The following POC1B variants were observed in gnomAD, a reference collection of about 807,000 sequenced individuals.
The protein encoded by POC1B is POC1 centriolar protein homolog B.
Under a neutral mutation model 60.6 loss-of-function variants are expected in POC1B, and 44 were observed. The observed-to-expected ratio is 0.73, with a 90% CI of 0.57 to 0.93. POC1B has a LOEUF of 0.93. Ranked by LOEUF, POC1B falls within the 40% of genes least tolerant of loss-of-function variation. The probability of loss-of-function intolerance (pLI) is 0.00; values close to 1 mark genes in which losing one functional copy is unlikely to be tolerated. For missense variants in POC1B, 555 were observed against 572.3 expected, an observed-to-expected ratio of 0.97 and a Z score of 0.31; for synonymous variants, 180 against 198.9, an observed-to-expected ratio of 0.90 and a Z score of 0.80.
the POC1B span, among the ~76,000 whole-genome samples, chr12:89,406,275 G>A: frequency 6.6e-6 from 1 of 152,130 alleles, no homozygotes; most frequent in Non-Finnish European, 1.5e-5. Context: ...TATTACAAAA[G>A]TTAATACATA....
rs371430665 is a variant in POC1B, at chr12:89,445,300, A to T, written c.1113+14338T>A. On this transcript the variant is annotated intron_variant, in intron 10 of 11. Coordinates refer to ENST00000313546, the MANE Select transcript of POC1B (RefSeq NM_172240.3). Reference sequence around the variant, plus strand: ...CCAAAAAAGAGCTCATATTGCCAAGACAATCCTAAGCCAAAAGAACAAAGC... The same window carrying T: ...CCAAAAAAGAGCTCATATTGCCAAGTCAATCCTAAGCCAAAAGAACAAAGC... Among the ~76,000 whole-genome samples, 3 of 152,266 alleles carry T rather than the reference A, an allele frequency of 2.0e-5. No individual in the cohort carries two copies. The East Asian group carries it at 5.8e-4, about 29-fold the overall frequency.
chr12:89,510,313 C>A (rs1362207634), intron 2 of POC1B, among the ~76,000 whole-genome samples: 1 of 152,202 alleles, frequency 6.6e-6, no homozygotes, highest in Non-Finnish European at 1.5e-5. Context: ...AAAGACCTGG[C>A]CTTTCTGGTG....
intron 10 of POC1B, among the ~76,000 whole-genome samples, chr12:89,453,976 C>T (rs1232358276): frequency 6.6e-6 from 1 of 152,122 alleles, no homozygotes; most frequent in Non-Finnish European, 1.5e-5. Context: ...TGCAAAAAAA[C>T]TTTCTGAAAG....
intron 3 of POC1B, among the ~76,000 whole-genome samples, chr12:89,496,027 C>A (rs1023483519): frequency 6.6e-6 from 1 of 152,114 alleles, no homozygotes; most frequent in Non-Finnish European, 1.5e-5. Context: ...TCCCAAAGTG[C>A]TGTGATTACA....
At chr12:89,492,391 A>C (rs1411256992) in intron 3 of POC1B, among the ~76,000 whole-genome samples, 1 of 152,168 alleles carries the variant, frequency 6.6e-6, no homozygotes, top group Non-Finnish European at 1.5e-5. Flanking sequence ...GAGAAGTAGA[A>C]AACCTTAAAA....
intron 2 of POC1B, among the ~76,000 whole-genome samples, chr12:89,511,645 CCAG>C (rs775361208): frequency 4.4e-4 from 67 of 152,176 alleles, no homozygotes; most frequent in Admixed American, 7.2e-4. Context: ...AAAAGAAACA[CCAG>C]ACTGCTTTAT....
At chr12:89,435,220 G>A (rs1022413639) in intron 10 of POC1B, among the ~76,000 whole-genome samples, 6 of 129,198 alleles carry the variant, frequency 4.6e-5, no homozygotes, top group African/African-American at 1.8e-4. Context: ...TCACTTTGTT[G>A]CCCAGGCTGG....
rs747581301 is a variant in POC1B, at chr12:89,497,263, C to T, written c.180G>A (p.Lys60=). The change falls in exon 3 of 12, where the codon AAG becomes AAA. Residue 60 remains lysine (K), a synonymous_variant. Transcript: ENST00000313546. The part of the protein sequence containing the change: ...HARAYRYVGH[K]DVVTSVQFSP... ...AAAACTGCACGCTGGTTACAACATC[C>T]TTGTGACCCACATATCTGTAAGCTC... is the stretch of plus-strand genomic sequence containing the variant. 45 of 1,613,292 alleles carry T rather than the reference C, an allele frequency of 2.8e-5. No homozygotes were observed. In the East Asian group the frequency reaches 9.8e-4, roughly 35 times the overall value.
At chr12:89,484,380 G>A (rs957554100) in intron 4 of POC1B, among the ~76,000 whole-genome samples, 22 of 152,206 alleles carry the variant, frequency 1.4e-4, no homozygotes, top group African/African-American at 4.8e-4. Context: ...TTCTTTTTAA[G>A]TTTACTACAC....
At chr12:89,408,069 T>C in the POC1B span, among the ~76,000 whole-genome samples, 1 of 152,290 alleles carries the variant, frequency 6.6e-6, no homozygotes, top group Admixed American at 6.5e-5. Context: ...TGGTTTTCTG[T>C]TCCCTGTGTT....
intron 8 of POC1B, 32 bp downstream of exon 8, chr12:89,467,585 C>G (rs1882729243): frequency 6.4e-7 from 1 of 1,569,378 alleles, no homozygotes; most frequent in Non-Finnish European, 8.8e-7. Context: ...TTACCTTAAC[C>G]AAATCAAAGA....
chr12:89,523,049 C>G (rs771556482), intron 2 of POC1B: 2 of 1,613,816 alleles, frequency 1.2e-6, no homozygotes, highest in Non-Finnish European at 1.7e-6. Flanking sequence ...GCACATAACT[C>G]TGTCACAGAA....
chr12:89,515,807 T>G (rs1391361460), intron 2 of POC1B, among the ~76,000 whole-genome samples: 2 of 152,164 alleles, frequency 1.3e-5, no homozygotes, highest in South Asian at 4.1e-4. Flanking sequence ...AGACCCATGT[T>G]CTCCATTGAG....
intron 10 of POC1B, among the ~76,000 whole-genome samples, chr12:89,450,627 C>G (rs369005532): frequency 7.9e-5 from 12 of 152,092 alleles, no homozygotes; most frequent in Admixed American, 7.9e-4. Context: ...ATCATGAACA[C>G]GTCAAAACTC....
At chr12:89,505,201 G>T (rs138279399) in intron 2 of POC1B, among the ~76,000 whole-genome samples, 1 of 152,188 alleles carries the variant, frequency 6.6e-6, no homozygotes, top group Non-Finnish European at 1.5e-5. Flanking sequence ...TCTTGGTGAG[G>T]ATGTAGAACA....
chr12:89,445,485 T>A, intron 10 of POC1B, among the ~76,000 whole-genome samples: 1 of 152,102 alleles, frequency 6.6e-6, no homozygotes, highest in Non-Finnish European at 1.5e-5. Context: ...TTGATAAACC[T>A]GACAAAAACA....
intron 3 of POC1B, among the ~76,000 whole-genome samples, chr12:89,496,128 G>C (rs1174650953): frequency 6.6e-6 from 1 of 152,020 alleles, no homozygotes; most frequent in Non-Finnish European, 1.5e-5. Context: ...TTGTTTTTCT[G>C]CAACTAGATG....
chr12:89,473,654 C>T (rs1462303179), intron 4 of POC1B, among the ~76,000 whole-genome samples: 2 of 125,420 alleles, frequency 1.6e-5, no homozygotes, highest in East Asian at 2.3e-4. Context: ...GAGCAAGACT[C>T]GCCTCAGAAA....
intron 10 of POC1B, among the ~76,000 whole-genome samples, chr12:89,454,611 C>CCTTCACTCCTTCAGCTCT (rs1210776173): frequency 6.6e-6 from 1 of 152,120 alleles, no homozygotes; most frequent in Non-Finnish European, 1.5e-5. Context: ...TGACTTGCTC[C>CCTTCACTCCTTCAGCTCT]CTTCACTCCT....
Sources: allele counts gnomAD v4.1 joint callset (sites outside exome capture counted in the v4.1 genomes callset), GRCh38; gene constraint gnomAD v4.1.1; transcripts MANE v1.5; gene names NCBI Gene and HGNC (gene_info 2026-07-23, HGNC 2026-07-21).